Variants in FAM184A observed in about 807,000 individuals in gnomAD.
FAM184A encodes the protein family with sequence similarity 184 member A.
A neutral mutation model predicts 143.8 loss-of-function variants in FAM184A; 99 were observed. The ratio of observed to expected loss-of-function variants is 0.69; its 90% CI spans 0.58 to 0.81. The LOEUF is 0.81. FAM184A is among the 40% of genes least tolerant of loss of function. FAM184A has a pLI of 0.00. For missense variants in FAM184A, 1,217 were observed against 1,310.5 expected (o/e 0.93, Z 1.10); for synonymous variants, 427 against 446.4 (o/e 0.96, Z 0.55).
intron 1 of FAM184A, among the ~76,000 whole-genome samples, chr6:119,045,745 A>G (rs939552241): frequency 6.6e-6 from 1 of 152,198 alleles, no homozygotes; most frequent in Non-Finnish European, 1.5e-5. Flanking sequence ...GATTTCCTAT[A>G]TTTTCATGCT....
chr6:119,003,386 A>G lies in FAM184A; in HGVS notation c.1937+115T>C, dbSNP rs1784823151. The G allele has an allele frequency of 3.8e-6, 4 of 1,045,448 alleles. No homozygotes were observed. In the South Asian group the frequency reaches 9.3e-5, roughly 24 times the overall value. The allele number at this position is 1,045,448 out of a possible 1,614,324, so 64.8% of individuals were successfully genotyped here. On this transcript the variant is annotated intron_variant, in intron 8 of 17. Coordinates refer to ENST00000338891, the MANE Select transcript of FAM184A (RefSeq NM_024581.6). ...AATTTCTCTGTCTCTAATCACAGGA[A>G]ATTTTAATTTAAAATACTGCTACTA... is the stretch of plus-strand genomic sequence containing the variant.
At chr6:118,962,157 C>CAAAGACAGACATGCTACCA (rs1477209930) in intron 16 of FAM184A, 194 bp from the exon 17 acceptor site, 1 of 584,742 alleles carries the variant, frequency 1.7e-6, no homozygotes, top group African/African-American at 1.9e-5. Flanking sequence ...ATGGAATCCT[C>CAAAGACAGACATGCTACCA]AAAGACAGAC....
At chr6:119,042,910 A>G (rs1458065631) in intron 1 of FAM184A, among the ~76,000 whole-genome samples, 1 of 152,188 alleles carries the variant, frequency 6.6e-6, no homozygotes, top group Non-Finnish European at 1.5e-5. Context: ...ATTGCTCTAA[A>G]AGAGTAAAGT....
intron 1 of FAM184A, among the ~76,000 whole-genome samples, chr6:119,129,763 A>T (rs147903214): frequency 6.6e-6 from 1 of 151,884 alleles, no homozygotes. Context: ...ACTTATTTGC[A>T]TAAAAGACTA....
rs376817299 is a variant in FAM184A, at chr6:119,006,576, A to G, written c.1686T>C (p.Ser562=). ...IGHLQDMVRK[S]EQGLGSAEGL... The stretch of plus-strand genomic sequence containing the variant: ...CTTCTGCAGAGCCAAGACCTTGTTC[A>G]CTTTTCCTTACCATATCTTGGAGGT... The change falls in exon 7 of 18, where the codon AGT becomes AGC. Residue 562 remains serine (S), a synonymous_variant. Coordinates refer to ENST00000338891, the MANE Select transcript of FAM184A (RefSeq NM_024581.6). 8.7e-6 allele frequency: 14 copies of G among 1,612,660 alleles called. No individual in the cohort carries two copies. Among genetic ancestry groups the G allele is most frequent in the Middle Eastern group, 3.3e-4 (2 of 6,074 alleles).
In FAM184A at chr6:118,991,802, G is replaced by A. The variant is rs557998706; in HGVS notation, c.2088+11097C>T. Among the ~76,000 whole-genome samples, 4 of 115,296 alleles carry A rather than the reference G, an allele frequency of 3.5e-5. No individual in the cohort carries two copies. The South Asian group carries it at 1.3e-3, about 37-fold the overall frequency. The allele number at this position is 115,296 out of a possible 152,430, so 75.6% of individuals were successfully genotyped here. A position where few individuals can be genotyped will look rare whatever the true frequency, so the allele number is the denominator to read the frequency against. On this transcript the variant is annotated intron_variant, in intron 9 of 17. Transcript: ENST00000338891. Reference sequence around the variant, plus strand: ...TTTTGAGACAGAGTCTCACTCTGTGGCCCAGGCTGAAGTGCAGTGGTATGA... The same window carrying A: ...TTTTGAGACAGAGTCTCACTCTGTGACCCAGGCTGAAGTGCAGTGGTATGA...
chr6:119,065,804 A>C (rs1039568412), intron 1 of FAM184A, among the ~76,000 whole-genome samples: 4 of 151,566 alleles, frequency 2.6e-5, no homozygotes, highest in African/African-American at 9.8e-5. Flanking sequence ...GTCCTAATCC[A>C]TGGCCCTCAT....
At chr6:118,986,103 C>T (rs1329806139) in intron 9 of FAM184A, among the ~76,000 whole-genome samples, 5 of 152,100 alleles carry the variant, frequency 3.3e-5, no homozygotes, top group Non-Finnish European at 5.9e-5. Flanking sequence ...ACCATCCTGG[C>T]TAACACGGTG....
At chr6:119,072,156 C>T (rs1192181854) in intron 1 of FAM184A, among the ~76,000 whole-genome samples, 1 of 152,116 alleles carries the variant, frequency 6.6e-6, no homozygotes, top group East Asian at 1.9e-4. Context: ...GCCAGGGCAC[C>T]CAACCTAAAC....
Position 118,976,036 on chromosome 6 carries a change from G to A in FAM184A, c.2464C>T (p.Arg822Cys), listed in dbSNP as rs750310450. 5.6e-6 allele frequency: 9 copies of A among 1,610,412 alleles called. No individual in the cohort carries two copies. The highest frequency in any genetic ancestry group is 3.3e-5 in the South Asian group (3 of 89,740). The change falls in exon 12 of 18, where the codon CGC becomes TGC. Residue 822 changes from arginine to cysteine, a missense_variant. Transcript: ENST00000338891. ...DEGKAMLASL[R>C]SELNHQHAAA... ...GCATGTTGATGGTTGAGTTCTGAGC[G>A]CAAGGAAGCTGGAATTGCAAGGCAA...
At chr6:119,016,974 C>T (rs1240061567) in intron 4 of FAM184A, 30 bp from the exon 5 acceptor site, 3 of 1,500,082 alleles carry the variant, frequency 2.0e-6, no homozygotes, top group Non-Finnish European at 2.7e-6. Flanking sequence ...CAATAATCGG[C>T]ACCTGCTTTT....
chr6:119,085,489 TAAC>T (rs150575889), intron 1 of FAM184A, among the ~76,000 whole-genome samples: 5,038 of 152,276 alleles, frequency 0.033, 135 homozygotes, highest in Non-Finnish European at 0.045. Context: ...TCCATATCAC[TAAC>T]AACATTTTGG....
intron 1 of FAM184A, among the ~76,000 whole-genome samples, chr6:119,089,209 T>TATTG (rs1554195512): frequency 1.5e-4 from 21 of 143,248 alleles, no homozygotes; most frequent in Non-Finnish European, 2.4e-4. Context: ...TTTATTTATT[T>TATTG]TTTTATTTTT....
At chr6:119,140,858 C>A (rs1477287477) in intron 1 of FAM184A, among the ~76,000 whole-genome samples, 1 of 152,232 alleles carries the variant, frequency 6.6e-6, no homozygotes, top group Non-Finnish European at 1.5e-5. Flanking sequence ...CAGCCACTGT[C>A]TTTTCTATTA....
At chr6:119,095,862 T>C (rs1009946132) in intron 1 of FAM184A, among the ~76,000 whole-genome samples, 1 of 152,020 alleles carries the variant, frequency 6.6e-6, no homozygotes, top group Non-Finnish European at 1.5e-5. Flanking sequence ...CCCAGACAGG[T>C]TTTTCTATTT....
At chr6:119,070,695 G>C (rs753241388) in intron 1 of FAM184A, among the ~76,000 whole-genome samples, 2 of 151,958 alleles carry the variant, frequency 1.3e-5, no homozygotes, top group Non-Finnish European at 2.9e-5. Flanking sequence ...AAATCAGTTA[G>C]TGATTGTCTC....
chr6:118,960,493 G>A (rs574671641), intron 17 of FAM184A, among the ~76,000 whole-genome samples: 9 of 152,240 alleles, frequency 5.9e-5, no homozygotes, highest in African/African-American at 1.4e-4. Flanking sequence ...TGTGGGAAAC[G>A]AGAGAATAAA....
Position 118,996,934 on chromosome 6 carries a change from G to A in FAM184A, c.2088+5965C>T, listed in dbSNP as rs1394969411. On this transcript the variant is annotated intron_variant, in intron 9 of 17. Transcript: ENST00000338891. ...GAGACAGGGTTTCTCTATGTTGGCCGGGCTGGTCTTGAATTCCTGGCCTCA... is the reference window on the plus strand; with the variant it reads ...GAGACAGGGTTTCTCTATGTTGGCCAGGCTGGTCTTGAATTCCTGGCCTCA... Among the ~76,000 whole-genome samples the A allele has an allele frequency of 4.7e-5, 7 of 148,356 alleles. No homozygotes were observed. In the East Asian group the frequency reaches 8.0e-4, roughly 17 times the overall value.
intron 1 of FAM184A, among the ~76,000 whole-genome samples, chr6:119,032,524 A>AAGAGGG (rs577027130): frequency 1.9e-4 from 27 of 138,572 alleles, no homozygotes; most frequent in South Asian, 5.0e-4. Flanking sequence ...GAGGAAGAGG[A>AAGAGGG]AGAGGGAGAG....
Sources: allele counts gnomAD v4.1 joint callset (sites outside exome capture counted in the v4.1 genomes callset), GRCh38; gene constraint gnomAD v4.1.1; transcripts MANE v1.5; gene names NCBI Gene and HGNC (gene_info 2026-07-23, HGNC 2026-07-21).